The following SGCZ variants were observed in gnomAD, a reference collection of about 807,000 sequenced individuals.
The protein encoded by SGCZ is sarcoglycan zeta.
A neutral mutation model predicts 41.3 loss-of-function variants in SGCZ; 40 were observed. That is an observed-to-expected ratio of 0.97 (90% CI 0.75 to 1.26). The LOEUF (loss-of-function observed/expected upper bound fraction) is 1.26, where lower values mean the gene tolerates loss of function less well. Ranked by LOEUF, SGCZ falls within the 50% of genes most tolerant of loss-of-function variation. SGCZ has a pLI of 0.00. For synonymous variants in SGCZ, 206 were observed against 137.5 expected, an observed-to-expected ratio of 1.50 and a Z score of -3.49; for missense variants, 552 against 369.8, an observed-to-expected ratio of 1.49 and a Z score of -4.04.
At chr8:15,082,738 T>C (rs1310766510) in intron 1 of SGCZ, among the ~76,000 whole-genome samples, 1 of 152,162 alleles carries the variant, frequency 6.6e-6, no homozygotes, top group Non-Finnish European at 1.5e-5. Flanking sequence ...TTTTCCTTCC[T>C]ACCTTCTTAT....
At chr8:14,772,585 C>T (rs889706607) in intron 1 of SGCZ, among the ~76,000 whole-genome samples, 4 of 120,170 alleles carry the variant, frequency 3.3e-5, no homozygotes, top group Non-Finnish European at 6.7e-5. Flanking sequence ...CCCCTCCCCC[C>T]ACCCCACAAC....
At chr8:14,873,554 C>T (rs1019322611) in intron 1 of SGCZ, among the ~76,000 whole-genome samples, 1 of 151,974 alleles carries the variant, frequency 6.6e-6, no homozygotes, top group African/African-American at 2.4e-5. Flanking sequence ...CAAGAGTAGC[C>T]GTTACATGAC....
chr8:14,767,463 A>G (rs1333667214), intron 1 of SGCZ, among the ~76,000 whole-genome samples: 1 of 152,128 alleles, frequency 6.6e-6, no homozygotes, highest in Non-Finnish European at 1.5e-5. Flanking sequence ...TTTACAATCA[A>G]TTTTACTCTA....
chr8:14,252,884 T>C (rs1799331864), intron 3 of SGCZ, among the ~76,000 whole-genome samples: 1 of 152,200 alleles, frequency 6.6e-6, no homozygotes, highest in Non-Finnish European at 1.5e-5. Flanking sequence ...TTCACCATAC[T>C]GGCTTTCCAT....
intron 1 of SGCZ, among the ~76,000 whole-genome samples, chr8:14,893,683 G>C (rs796397790): frequency 6.6e-6 from 1 of 152,130 alleles, no homozygotes; most frequent in Non-Finnish European, 1.5e-5. Context: ...CAGACACTAT[G>C]AACTATGCTG....
intron 1 of SGCZ, among the ~76,000 whole-genome samples, chr8:14,633,791 T>C (rs1275794719): frequency 6.6e-6 from 1 of 151,964 alleles, no homozygotes; most frequent in Non-Finnish European, 1.5e-5. Flanking sequence ...AAAGACCTGA[T>C]GCTAAAAGTT....
intron 1 of SGCZ, among the ~76,000 whole-genome samples, chr8:14,906,099 G>A (rs567382699): frequency 5.3e-5 from 8 of 152,146 alleles, no homozygotes; most frequent in South Asian, 4.1e-4. Flanking sequence ...AAAAGGCTGC[G>A]TATTTGAGAT....
intron 2 of SGCZ, among the ~76,000 whole-genome samples, chr8:14,367,239 A>T (rs1803742306): frequency 6.6e-6 from 1 of 152,036 alleles, no homozygotes; most frequent in African/African-American, 2.4e-5. Context: ...TCTCATCATC[A>T]CTTGAGACTA....
rs1470890664 is a variant in SGCZ at position 14,164,635 on chromosome 8, C to G, written c.492G>C (p.Leu164=). Reference sequence around the variant, plus strand: ...TAATCTCATCTTCATCTGCAGAAAACAGCACCCTGCCATCTTCACTGGCTC... The same window carrying G: ...TAATCTCATCTTCATCTGCAGAAAAGAGCACCCTGCCATCTTCACTGGCTC... ...EVRASEDGRV[L]FSADEDEITI... The change falls in exon 5 of 8, where the codon CTG becomes CTC. Residue 164 remains leucine (L), a synonymous_variant. Coordinates refer to ENST00000382080, the MANE Select transcript of SGCZ (RefSeq NM_139167.4). The G allele has an allele frequency of 5.0e-6, 8 of 1,613,520 alleles. No homozygotes were observed. Among genetic ancestry groups the G allele is most frequent in the Non-Finnish European group, 6.8e-6 (8 of 1,179,728 alleles).
At chr8:14,810,816 C>G (rs1192751115) in intron 1 of SGCZ, among the ~76,000 whole-genome samples, 1 of 151,940 alleles carries the variant, frequency 6.6e-6, no homozygotes. Flanking sequence ...TTTGAAGAGA[C>G]TCTTATTAAA....
intron 1 of SGCZ, among the ~76,000 whole-genome samples, chr8:15,157,309 G>A (rs1799360893): frequency 6.6e-6 from 1 of 152,090 alleles, no homozygotes; most frequent in Middle Eastern, 3.4e-3. Context: ...GAGGCAGGAG[G>A]AACACTTGAC....
At chr8:14,265,437 AT>A (rs1040857006) in intron 3 of SGCZ, among the ~76,000 whole-genome samples, 1 of 152,166 alleles carries the variant, frequency 6.6e-6, no homozygotes, top group South Asian at 2.1e-4. Context: ...CTGGATCTCT[AT>A]GTGTGATGCT....
intron 1 of SGCZ, among the ~76,000 whole-genome samples, chr8:15,181,983 G>A (rs1460903387): frequency 6.6e-6 from 1 of 152,064 alleles, no homozygotes; most frequent in African/African-American, 2.4e-5. Context: ...CTCAAACGAT[G>A]GTGGGTAAGC....
At chr8:14,188,898 C>A (rs752178387) in intron 4 of SGCZ, among the ~76,000 whole-genome samples, 3 of 146,284 alleles carry the variant, frequency 2.1e-5, no homozygotes, top group Non-Finnish European at 4.5e-5. Flanking sequence ...ATGGCACATT[C>A]TCGTCTCATT....
At chr8:15,003,290 A>C (rs1423864050) in intron 1 of SGCZ, among the ~76,000 whole-genome samples, 1 of 152,144 alleles carries the variant, frequency 6.6e-6, no homozygotes, top group Non-Finnish European at 1.5e-5. Flanking sequence ...AAATAGAATG[A>C]GAACTGAGTG....
At chr8:14,811,735 A>G (rs1205836138) in intron 1 of SGCZ, among the ~76,000 whole-genome samples, 1 of 151,932 alleles carries the variant, frequency 6.6e-6, no homozygotes, top group African/African-American at 2.4e-5. Flanking sequence ...GATCATACAG[A>G]AGCAATTCCA....
intron 2 of SGCZ, among the ~76,000 whole-genome samples, chr8:14,348,929 T>G (rs1204226900): frequency 6.6e-6 from 1 of 152,172 alleles, no homozygotes; most frequent in Non-Finnish European, 1.5e-5. Context: ...GGAAAGTATA[T>G]AGAATTTTAC....
intron 3 of SGCZ, among the ~76,000 whole-genome samples, chr8:14,270,606 T>G (rs1311280605): frequency 2.0e-5 from 3 of 152,148 alleles, no homozygotes. Context: ...CAGCTAAGAT[T>G]GGGTTGTGTG....
chr8:14,976,741 G>A (rs1020244963), intron 1 of SGCZ, among the ~76,000 whole-genome samples: 39 of 152,080 alleles, frequency 2.6e-4, no homozygotes, highest in African/African-American at 8.0e-4. Context: ...ATCCCACACC[G>A]GTGTTAATCT....
Sources: allele counts gnomAD v4.1 joint callset (sites outside exome capture counted in the v4.1 genomes callset), GRCh38; gene constraint gnomAD v4.1.1; transcripts MANE v1.5; gene names NCBI Gene and HGNC (gene_info 2026-07-23, HGNC 2026-07-21).